R3HCC1: variants seen among roughly 807,000 people sequenced by gnomAD.
R3HCC1 encodes R3H and coiled-coil domain-containing protein 1.
R3HCC1 carries 32 observed loss-of-function variants against 40.0 expected under a neutral mutation model. That is an observed-to-expected ratio of 0.80 (90% CI 0.60 to 1.07). The LOEUF (loss-of-function observed/expected upper bound fraction) is 1.07, where lower values mean the gene tolerates loss of function less well. R3HCC1 is among the 50% of genes least tolerant of loss of function. The pLI is 0.00. For missense variants in R3HCC1, 586 were observed against 563.3 expected, an observed-to-expected ratio of 1.04 and a Z score of -0.41; for synonymous variants, 237 against 232.8, an observed-to-expected ratio of 1.02 and a Z score of -0.17.
Position 23,295,976 on chromosome 8 carries a change from G to T in R3HCC1, c.1202G>T (p.Arg401Leu), listed in dbSNP as rs772503867. 3 of 1,549,790 alleles carry T rather than the reference G, an allele frequency of 1.9e-6. No homozygotes were observed. The highest frequency in any genetic ancestry group is 1.2e-5 in the South Asian group (1 of 83,978). Residue 401 changes from arginine to leucine, a missense_variant, in exon 8 of 8, where the codon CGT (arginine) becomes CTT (leucine). Arg to Leu is a moderately radical substitution (Grantham distance 102). Coordinates refer to ENST00000265806, the MANE Select transcript of R3HCC1 (RefSeq NM_001136108.3). ...GGGGCTTTCCTTCTAGAACTCCTGC[G>T]TCTGGTGAAGGAGAGGCCACAGACA...
chr8:23,296,214 T>C lies in R3HCC1; in HGVS notation c.*117T>C. On this transcript the variant is annotated 3_prime_UTR_variant, in exon 8 of 8. Transcript: ENST00000265806. ...ACCACCCTCGAGCTTCACCATGGGGTGTGGTGGGCTTTAGTTTAGTCCCAG... is the reference window on the plus strand; with the variant it reads ...ACCACCCTCGAGCTTCACCATGGGGCGTGGTGGGCTTTAGTTTAGTCCCAG... 1 of 1,222,674 alleles carries C rather than the reference T, an allele frequency of 8.2e-7. No individual in the cohort carries two copies. Among genetic ancestry groups the C allele is most frequent in the Non-Finnish European group, 1.1e-6 (1 of 907,716 alleles). The allele number at this position is 1,222,674 out of a possible 1,614,324, so 75.7% of individuals were successfully genotyped here.
intron 2 of R3HCC1, 117 bp from the exon 3 acceptor site, chr8:23,288,899 C>A (rs1410160083): frequency 1.6e-6 from 2 of 1,223,942 alleles, no homozygotes; most frequent in Non-Finnish European, 2.3e-6. Flanking sequence ...TGCAGTCCAT[C>A]TGGGACCCAG....
rs1803014118 is a variant in R3HCC1, at chr8:23,296,152, A to C, written c.*55A>C. Reference sequence around the variant, plus strand: ...CGTCCCGACGTAGCTGGCGCCCCCAACACCATAAGCCTTCACAGACGCCAG... The same window carrying C: ...CGTCCCGACGTAGCTGGCGCCCCCACCACCATAAGCCTTCACAGACGCCAG... On this transcript the variant is annotated 3_prime_UTR_variant, in exon 8 of 8. Coordinates refer to ENST00000265806, the MANE Select transcript of R3HCC1 (RefSeq NM_001136108.3). 1.3e-6 allele frequency: 2 copies of C among 1,519,254 alleles called. No individual in the cohort carries two copies. Among genetic ancestry groups the C allele is most frequent in the African/African-American group, 1.4e-5 (1 of 72,126 alleles). The allele number at this position is 1,519,254 out of a possible 1,614,324, so 94.1% of individuals were successfully genotyped here. A position where few individuals can be genotyped will look rare whatever the true frequency, so the allele number is the denominator to read the frequency against.
Position 23,290,042 on chromosome 8 carries a change from T to G in R3HCC1, c.425T>G (p.Val142Gly), listed in dbSNP as rs953314508. The G allele has an allele frequency of 6.5e-7, 1 of 1,544,218 alleles. No homozygotes were observed. The highest frequency in any genetic ancestry group is 8.7e-7 in the Non-Finnish European group (1 of 1,146,946). The stretch of plus-strand genomic sequence containing the variant: ...GACCAGCCTTTGTATGTGCCCCGGG[T>G]GCTGCGCAGGCAGGAAGAATGGGGG... The change falls in exon 4 of 8, where the codon GTG (valine) becomes GGG (glycine). Residue 142 changes from valine (V) to glycine (G), a missense_variant. By Grantham distance (109) the Val-to-Gly change is moderately radical. Transcript: ENST00000265806.
intron 5 of R3HCC1, 67 bp from the exon 6 acceptor site, chr8:23,293,236 G>A: frequency 1.5e-6 from 2 of 1,346,788 alleles, no homozygotes; most frequent in Non-Finnish European, 2.1e-6. Context: ...GGGTGTGGCT[G>A]CGGGATTCGA....
chr8:23,290,279 A>G lies in R3HCC1; in HGVS notation c.662A>G (p.Gln221Arg). The change falls in exon 4 of 8, where the codon CAG (glutamine) becomes CGG (arginine). Residue 221 changes from glutamine to arginine, a missense_variant. By Grantham distance (43) the Gln-to-Arg change is conservative. Transcript: ENST00000265806. ...CCTGAGCCTCTGGGGCCTGAGAGTCAGTCAGGGAAGGGAGACATGGTGGAG... is the reference window on the plus strand; with the variant it reads ...CCTGAGCCTCTGGGGCCTGAGAGTCGGTCAGGGAAGGGAGACATGGTGGAG... 4 of 1,551,764 alleles carry G rather than the reference A, an allele frequency of 2.6e-6. No individual in the cohort carries two copies. The highest frequency in any genetic ancestry group is 3.5e-6 in the Non-Finnish European group (4 of 1,146,998).
At position 23,289,092 on chromosome 8, in the gene R3HCC1, A is replaced by G; in HGVS notation, c.187A>G (p.Ser63Gly). Reference sequence around the variant, plus strand: ...AACAGCAGAGAATTTTGATCTCTTGAGCAGCTTCTCCGTTGGGGAGGGCTG... The same window carrying G: ...AACAGCAGAGAATTTTGATCTCTTGGGCAGCTTCTCCGTTGGGGAGGGCTG... Residue 63 changes from serine to glycine, a missense_variant, in exon 3 of 8, where the codon AGC becomes GGC. Physicochemically the swap from Ser to Gly is moderately conservative, Grantham distance 56 (BLOSUM62 0). Transcript: ENST00000265806. 1 of 1,536,408 alleles carries G rather than the reference A, an allele frequency of 6.5e-7. No homozygotes were observed. Among genetic ancestry groups the G allele is most frequent in the Non-Finnish European group, 8.7e-7 (1 of 1,146,950 alleles).
chr8:23,291,805 T>C (rs1444857607), intron 5 of R3HCC1, among the ~76,000 whole-genome samples: 1 of 152,210 alleles, frequency 6.6e-6, no homozygotes, highest in Non-Finnish European at 1.5e-5. Context: ...CAGGATGCCA[T>C]GCGCCCTCCC....
chr8:23,295,582 T>C, intron 7 of R3HCC1: 1 of 460,504 alleles, frequency 2.2e-6, no homozygotes, highest in Non-Finnish European at 4.3e-6. Flanking sequence ...GTAGCCAACA[T>C]GGTCCAGGGT....
At chr8:23,291,280 C>T in intron 4 of R3HCC1, 81 bp from the exon 5 acceptor site, 4 of 1,479,860 alleles carry the variant, frequency 2.7e-6, no homozygotes, top group Non-Finnish European at 2.7e-6. Context: ...CTTCTCCCTG[C>T]AGAGCTCTCA....
chr8:23,296,126 G>C lies in R3HCC1; in HGVS notation c.*29G>C, dbSNP rs1427713718. 1 of 1,537,426 alleles carries C rather than the reference G, an allele frequency of 6.5e-7. No homozygotes were observed. The highest frequency in any genetic ancestry group is 8.8e-7 in the Non-Finnish European group (1 of 1,140,120). Reference sequence around the variant, plus strand: ...CTGGAGACCCAACTGGCCTGGATCTGCGTCCCGACGTAGCTGGCGCCCCCA... The same window carrying C: ...CTGGAGACCCAACTGGCCTGGATCTCCGTCCCGACGTAGCTGGCGCCCCCA... On this transcript the variant is annotated 3_prime_UTR_variant, in exon 8 of 8. Transcript: ENST00000265806.
At chr8:23,292,513 C>T in intron 5 of R3HCC1, among the ~76,000 whole-genome samples, 1 of 152,158 alleles carries the variant, frequency 6.6e-6, no homozygotes, top group East Asian at 1.9e-4. Context: ...ACTCGGGAGG[C>T]TGAGGCAGGA....
At chr8:23,291,778 C>A (rs1802871703) in intron 5 of R3HCC1, among the ~76,000 whole-genome samples, 1 of 152,256 alleles carries the variant, frequency 6.6e-6, no homozygotes, top group African/African-American at 2.4e-5. Flanking sequence ...TGCCCCCCTG[C>A]ATGGCCACAC....
chr8:23,294,333 C>G (rs1409054236), intron 6 of R3HCC1, among the ~76,000 whole-genome samples: 1 of 152,236 alleles, frequency 6.6e-6, no homozygotes, highest in Non-Finnish European at 1.5e-5. Flanking sequence ...CCTGAAGCCT[C>G]TCCCAGCTCT....
chr8:23,293,411 C>A (rs1405739688), intron 6 of R3HCC1, 38 bp downstream of exon 6: 2 of 1,503,598 alleles, frequency 1.3e-6, no homozygotes, highest in East Asian at 2.5e-5. Flanking sequence ...TTGCTCGGAT[C>A]CCTGTTGAGA....
intron 7 of R3HCC1, 115 bp downstream of exon 7, chr8:23,294,979 A>G: frequency 1.3e-6 from 1 of 792,054 alleles, no homozygotes; most frequent in East Asian, 2.7e-5. Context: ...CCCTCTGTTA[A>G]TTCTTCCCGC....
Position 23,293,297 on chromosome 8 carries a change from GCA to G in R3HCC1, c.1026-3_1026-2del, listed in dbSNP as rs1802912082. 2 of 1,550,516 alleles carry G rather than the reference GCA, an allele frequency of 1.3e-6. No individual in the cohort carries two copies. The highest frequency in any genetic ancestry group is 2.7e-5 in the African/African-American group (2 of 72,992). ...TGAATGTGCTGTCTCCTCTCTCGCC[GCA>G]CAGAGAGAAGGGGTTCAGGATTCAG... is the stretch of plus-strand genomic sequence containing the variant. On this transcript the variant is annotated splice_region_variant and splice_polypyrimidine_tract_variant and intron_variant, in intron 5 of 7. Coordinates refer to ENST00000265806, the MANE Select transcript of R3HCC1 (RefSeq NM_001136108.3).
chr8:23,288,341 C>G, intron 1 of R3HCC1, 165 bp from the exon 2 acceptor site: 1 of 1,136,572 alleles, frequency 8.8e-7, no homozygotes, highest in Non-Finnish European at 1.2e-6. Flanking sequence ...AGCCAGGAGA[C>G]CCCTTCCCTG....
Position 23,289,135 on chromosome 8 carries a change from T to C in R3HCC1, c.230T>C (p.Ile77Thr), listed in dbSNP as rs1270709863. Residue 77 changes from isoleucine to threonine, a missense_variant, in exon 3 of 8, where the codon ATC (isoleucine) becomes ACC (threonine). Coordinates refer to ENST00000265806, the MANE Select transcript of R3HCC1 (RefSeq NM_001136108.3). ...GAGGGCTGGAAGAGGAGGACGGTCA[T>C]CTGTCACCAGGACATCAGGTGTGTA... The C allele has an allele frequency of 6.5e-7, 1 of 1,536,140 alleles. No individual in the cohort carries two copies. The highest frequency in any genetic ancestry group is 8.7e-7 in the Non-Finnish European group (1 of 1,146,928).
Sources: allele counts gnomAD v4.1 joint callset (sites outside exome capture counted in the v4.1 genomes callset), GRCh38; gene constraint gnomAD v4.1.1; transcripts MANE v1.5; gene names NCBI Gene and HGNC (gene_info 2026-07-23, HGNC 2026-07-21).